The following SLK variants were observed in gnomAD, a reference collection of about 807,000 sequenced individuals.
SLK encodes STE20-like serine/threonine-protein kinase.
Under a neutral mutation model 147.7 loss-of-function variants are expected in SLK, and 67 were observed. That is an observed-to-expected ratio of 0.45 (90% CI 0.37 to 0.56). The LOEUF is 0.56. Among genes scored for constraint, SLK ranks in the 20% least tolerant of loss-of-function variants. The pLI, the probability that SLK is intolerant of heterozygous loss-of-function variation, is 0.00. For synonymous variants in SLK, 441 were observed against 475.0 expected (o/e 0.93, Z 0.93); for missense variants, 1,136 against 1,438.8 (o/e 0.79, Z 3.41).
intron 13 of SLK, among the ~76,000 whole-genome samples, chr10:104,012,048 A>G (rs1203300746): frequency 2.6e-5 from 4 of 152,206 alleles, no homozygotes; most frequent in Admixed American, 1.3e-4. Context: ...AGAGATGTGG[A>G]TCGTGTATTT....
intron 8 of SLK, among the ~76,000 whole-genome samples, chr10:104,001,816 G>C (rs978788144): frequency 6.6e-6 from 1 of 152,098 alleles, no homozygotes; most frequent in Non-Finnish European, 1.5e-5. Context: ...CCCGGTGTCA[G>C]GTGGTTCTTG....
In SLK at chr10:104,002,320, T is replaced by G; in HGVS notation, c.1142T>G (p.Leu381Arg). Residue 381 changes from leucine to arginine, a missense_variant, in exon 9 of 19, where the codon CTT becomes CGT. Leu to Arg is a moderately radical substitution (Grantham distance 102). Coordinates refer to ENST00000369755, the MANE Select transcript of SLK (RefSeq NM_014720.4). ...GAAGATAAACTCAACAGCAAAATTCTTAATGAAAAACCCACCACTGATGAA... is the reference window on the plus strand; with the variant it reads ...GAAGATAAACTCAACAGCAAAATTCGTAATGAAAAACCCACCACTGATGAA... ...NSEDKLNSKILNEKPTTDEPE... is the reference protein window; with the variant it reads ...NSEDKLNSKIRNEKPTTDEPE... 2 of 1,613,740 alleles carry G rather than the reference T, an allele frequency of 1.2e-6. No homozygotes were observed. The highest frequency in any genetic ancestry group is 1.7e-6 in the Non-Finnish European group (2 of 1,179,730).
At chr10:103,990,111 T>C (rs570166882) in intron 1 of SLK, among the ~76,000 whole-genome samples, 1 of 152,312 alleles carries the variant, frequency 6.6e-6, no homozygotes, top group South Asian at 2.1e-4. Flanking sequence ...ATTCCAAGTA[T>C]ATGACATTCC....
At chr10:104,005,491 GGAA>G in intron 9 of SLK, 67 bp from the exon 10 acceptor site, 1 of 1,383,320 alleles carries the variant, frequency 7.2e-7, no homozygotes, top group Non-Finnish European at 9.9e-7. Context: ...AAATGTTTAA[GGAA>G]GAAGAAAATG....
intron 10 of SLK, 37 bp downstream of exon 10, chr10:104,005,728 G>T: frequency 1.3e-6 from 2 of 1,592,264 alleles, no homozygotes; most frequent in South Asian, 2.3e-5. Flanking sequence ...ACTGGTTTGT[G>T]ACTTCTTTTC....
At chr10:103,971,339 A>G (rs1224737013) in intron 1 of SLK, among the ~76,000 whole-genome samples, 3 of 152,044 alleles carry the variant, frequency 2.0e-5, no homozygotes, top group Admixed American at 2.0e-4. Flanking sequence ...CTGTGGCGCA[A>G]TCTCGGCTCA....
At chr10:103,994,281 G>T (rs1265455265) in intron 4 of SLK, among the ~76,000 whole-genome samples, 1 of 152,190 alleles carries the variant, frequency 6.6e-6, no homozygotes, top group Admixed American at 6.5e-5. Flanking sequence ...AGATCAAAAA[G>T]TAGAACTTTG....
intron 4 of SLK, 139 bp downstream of exon 4, chr10:103,993,272 A>C: frequency 2.0e-6 from 1 of 502,474 alleles, no homozygotes; most frequent in Non-Finnish European, 3.4e-6. Context: ...TTTAAAAAAC[A>C]CTTTTTTAGG....
Position 104,007,690 on chromosome 10 carries a change from G to A in SLK, c.2605-487G>A, listed in dbSNP as rs186869634. Among the ~76,000 whole-genome samples the A allele has an allele frequency of 2.3e-3, 351 of 151,678 alleles. 5 individuals are homozygous for A. Among genetic ancestry groups the A allele is most frequent in the South Asian group, 0.021 (100 of 4,816 alleles). On this transcript the variant is annotated intron_variant, in intron 11 of 18. Transcript: ENST00000369755. ...TCATGCCTGTAATACCAGTATTTTG[G>A]GAGGCCGAAGCAGGAGGATTGCTTG...
At chr10:103,995,174 A>C (rs1367931466) in intron 4 of SLK, among the ~76,000 whole-genome samples, 1 of 152,142 alleles carries the variant, frequency 6.6e-6, no homozygotes, top group Non-Finnish European at 1.5e-5. Flanking sequence ...GTTTTAAAAA[A>C]TATTGTTAGT....
chr10:104,024,597 C>A (rs1844574522), intron 18 of SLK, among the ~76,000 whole-genome samples: 1 of 152,182 alleles, frequency 6.6e-6, no homozygotes, highest in Non-Finnish European at 1.5e-5. Flanking sequence ...TGCTCCCTAT[C>A]AAATTCTTAT....
chr10:104,017,804 C>T (rs1458085422), intron 13 of SLK, among the ~76,000 whole-genome samples: 2 of 152,132 alleles, frequency 1.3e-5, no homozygotes, highest in Non-Finnish European at 2.9e-5. Flanking sequence ...CTTATTTATC[C>T]TTGTTTTAGT....
At chr10:104,019,173 G>T (rs576892678) in intron 15 of SLK, 1 of 287,078 alleles carries the variant, frequency 3.5e-6, no homozygotes, top group Non-Finnish European at 6.6e-6. Context: ...GCTCTCAAAG[G>T]TAGCTATTTT....
chr10:104,002,977 T>C lies in SLK; in HGVS notation c.1799T>C (p.Val600Ala). The C allele has an allele frequency of 6.2e-7, 1 of 1,613,778 alleles. No homozygotes were observed. The highest frequency in any genetic ancestry group is 1.3e-5 in the African/African-American group (1 of 75,042). ...CCTGAGGCTGGTGGTACTAAGGAAG[T>C]TCCTATTAAAGAAATAGTTGAAATG... Reference protein sequence around the residue: ...VGPEAGGTKEVPIKEIVEMNE... With the variant: ...VGPEAGGTKEAPIKEIVEMNE... Residue 600 changes from valine (V) to alanine (A), a missense_variant, in exon 9 of 19, where the codon GTT becomes GCT. By Grantham distance (64) the Val-to-Ala change is moderately conservative. Around this residue, in one of 6 missense-constraint regions of SLK, gnomAD observed 516 missense variants for 531.3 expected, o/e 0.97. Coordinates refer to ENST00000369755, the MANE Select transcript of SLK (RefSeq NM_014720.4).
intron 1 of SLK, among the ~76,000 whole-genome samples, chr10:103,972,282 G>T (rs1285951387): frequency 2.6e-5 from 4 of 152,304 alleles, no homozygotes; most frequent in East Asian, 3.9e-4. Context: ...GTTAATCCAG[G>T]AATGGAATTG....
chr10:103,967,965 C>T lies in SLK; in HGVS notation c.150+70C>T, dbSNP rs1031106510. ...CCACTGGCCTGGAGTGGCGGGAGGA[C>T]TTCTGCTCCCCTGGTCCTTATCCTG... On this transcript the variant is annotated intron_variant, in intron 1 of 18. Coordinates refer to ENST00000369755, the MANE Select transcript of SLK (RefSeq NM_014720.4). 8 of 1,494,252 alleles carry T rather than the reference C, an allele frequency of 5.4e-6. No homozygotes were observed. The African/African-American group carries it at 5.5e-5, about 10-fold the overall frequency. 92.6% of individuals were successfully genotyped at this position (1,494,252 alleles called of 1,614,324 possible).
intron 11 of SLK, among the ~76,000 whole-genome samples, chr10:104,006,396 T>C (rs1373221088): frequency 6.6e-6 from 1 of 152,224 alleles, no homozygotes; most frequent in African/African-American, 2.4e-5. Flanking sequence ...GAATCCAAGA[T>C]TTTAAGCCAG....
chr10:103,968,241 A>G (rs1446697396), intron 1 of SLK, among the ~76,000 whole-genome samples: 2 of 152,224 alleles, frequency 1.3e-5, no homozygotes, highest in Admixed American at 1.3e-4. Flanking sequence ...TGCACTTTGC[A>G]GTGGATTTGT....
intron 10 of SLK, 81 bp downstream of exon 10, chr10:104,005,772 G>A: frequency 2.0e-6 from 3 of 1,505,606 alleles, no homozygotes; most frequent in Non-Finnish European, 2.7e-6. Flanking sequence ...AGAGAAACAA[G>A]GGTAAATTAT....
Sources: gnomAD v4.1 joint callset for allele counts (sites outside exome capture counted in the v4.1 genomes callset) on GRCh38, gnomAD v4.1.1 for gene constraint, gnomAD v4.1.1 regional missense constraint, MANE v1.5 for transcripts, NCBI Gene and HGNC (gene_info 2026-07-23, HGNC 2026-07-21) for gene names.